FXR1: variants seen among roughly 807,000 people sequenced by gnomAD.
The protein encoded by FXR1 is RNA-binding protein FXR1.
FXR1 carries 15 observed loss-of-function variants against 84.0 expected under a neutral mutation model. That is an observed-to-expected ratio of 0.18 (90% CI 0.12 to 0.27). The LOEUF is 0.27. Ranked by LOEUF, FXR1 falls within the 10% of genes least tolerant of loss-of-function variation. The pLI is 1.00. For synonymous variants in FXR1, 245 were observed against 250.7 expected (o/e 0.98, Z 0.21); for missense variants, 480 against 774.4 (o/e 0.62, Z 4.51).
chr3:180,947,453 T>C (rs1721818245), intron 3 of FXR1, among the ~76,000 whole-genome samples: 1 of 152,250 alleles, frequency 6.6e-6, no homozygotes. Flanking sequence ...TTAGGTTCTT[T>C]AGCACGGGAT....
chr3:180,973,403 T>G (rs1191429924), intron 15 of FXR1, among the ~76,000 whole-genome samples: 1 of 152,200 alleles, frequency 6.6e-6, no homozygotes, highest in South Asian at 2.1e-4. Flanking sequence ...AAACCACAAT[T>G]ACTTTTGCAC....
chr3:180,966,368 C>T (rs9816447), intron 13 of FXR1, among the ~76,000 whole-genome samples: 4,536 of 152,176 alleles, frequency 0.03, 233 homozygotes, highest in African/African-American at 0.1. Context: ...CTAGAGTTAT[C>T]GTTAAAGGAG....
chr3:180,976,444 A>T lies in FXR1; in HGVS notation c.*152A>T, dbSNP rs1178683919. On this transcript the variant is annotated 3_prime_UTR_variant, in exon 17 of 17. Coordinates refer to ENST00000357559, the MANE Select transcript of FXR1 (RefSeq NM_005087.4). ...TCAAAAAGGGGAGGGATCCTGAAGA[A>T]ATCATATGTTAAACATACTTTGACA... 1 of 541,232 alleles carries T rather than the reference A, an allele frequency of 1.8e-6. No homozygotes were observed. The highest frequency in any genetic ancestry group is 3.3e-6 in the Non-Finnish European group (1 of 303,488). The allele number at this position is 541,232 out of a possible 1,614,324, so 33.5% of individuals were successfully genotyped here.
intron 9 of FXR1, among the ~76,000 whole-genome samples, chr3:180,956,870 G>A (rs9867796): frequency 0.014 from 2,129 of 152,250 alleles, 40 homozygotes; most frequent in African/African-American, 0.048. Flanking sequence ...GTTCAGGCAT[G>A]CAACAGGAAA....
chr3:180,932,130 CTCT>C (rs1222124694), intron 1 of FXR1, among the ~76,000 whole-genome samples: 1 of 128,552 alleles, frequency 7.8e-6, no homozygotes, highest in Non-Finnish European at 1.7e-5. Context: ...TCCCTTTATT[CTCT>C]TCTTTCTTTT....
chr3:180,959,510 TTTG>T (rs570963471), intron 10 of FXR1, among the ~76,000 whole-genome samples: 11 of 152,188 alleles, frequency 7.2e-5, no homozygotes, highest in Non-Finnish European at 1.6e-4. Context: ...AGCAAGTTAC[TTTG>T]TTAACTGTAA....
chr3:180,948,032 C>A, intron 4 of FXR1, 96 bp downstream of exon 4: 1 of 713,758 alleles, frequency 1.4e-6, no homozygotes, highest in Non-Finnish European at 2.4e-6. Flanking sequence ...AGTTTTATTT[C>A]TAAAAGCCTA....
intron 7 of FXR1, among the ~76,000 whole-genome samples, chr3:180,950,164 C>A (rs1046078785): frequency 6.6e-6 from 1 of 152,164 alleles, no homozygotes; most frequent in East Asian, 1.9e-4. Context: ...TCTTCCCACT[C>A]ACTCACACTT....
rs1005121532 is a variant in FXR1, at chr3:180,980,981, T to C, written c.*4689T>C. The C allele has an allele frequency of 6.6e-6, 1 of 152,056 alleles. No homozygotes were observed. The highest frequency in any genetic ancestry group is 2.4e-5 in the African/African-American group (1 of 41,422). The allele number at this position is 152,056 out of a possible 1,614,324, so 9.4% of individuals were successfully genotyped here. ...TTTACAGGGTTTTGTTTTTTTAAGC[T>C]TAGTCTGTTCTTTGACATTGTTGAT... On this transcript the variant is annotated 3_prime_UTR_variant, in exon 17 of 17. Coordinates refer to ENST00000357559, the MANE Select transcript of FXR1 (RefSeq NM_005087.4).
intron 15 of FXR1, among the ~76,000 whole-genome samples, chr3:180,973,397 C>G (rs1362254855): frequency 6.6e-6 from 1 of 152,104 alleles, no homozygotes; most frequent in East Asian, 1.9e-4. Flanking sequence ...TGGCAAAAAC[C>G]ACAATTACTT....
At chr3:180,915,763 A>C in intron 1 of FXR1, 1 of 608,066 alleles carries the variant, frequency 1.6e-6, no homozygotes, top group Non-Finnish European at 2.9e-6. Context: ...TACTCTGTAG[A>C]CTTTGATTAA....
chr3:180,925,310 A>G (rs868561311), intron 1 of FXR1, among the ~76,000 whole-genome samples: 2 of 151,660 alleles, frequency 1.3e-5, no homozygotes, highest in African/African-American at 2.4e-5. Context: ...CAGTGAGCTG[A>G]TATCAGGCCA....
At chr3:180,935,026 T>G in intron 2 of FXR1, 112 bp from the exon 3 acceptor site, 1 of 574,426 alleles carries the variant, frequency 1.7e-6, no homozygotes, top group East Asian at 2.9e-5. Flanking sequence ...ATGAATGTTG[T>G]TTTCCTTCTC....
In FXR1 at chr3:180,942,377, C is replaced by CAAAAA. The variant is rs765066164; in HGVS notation, c.199-5464_199-5460dup. 4.6e-3 allele frequency among the ~76,000 whole-genome samples: 144 copies of CAAAAA among 31,108 alleles called. 22 individuals carry two copies. Among genetic ancestry groups the CAAAAA allele is most frequent in the Non-Finnish European group, 6.9e-3 (119 of 17,286 alleles). 20.4% of individuals were successfully genotyped at this position (31,108 alleles called of 152,430 possible). ...TGGGCGACAGAGCGAGACTCCGTCT[C>CAAAAA]AAAAAAAAAAAAAAAAAAAAAAAAA... On this transcript the variant is annotated intron_variant, in intron 3 of 16. Transcript: ENST00000357559.
Position 180,981,141 on chromosome 3 carries a change from C to A in FXR1, c.*4849C>A, listed in dbSNP as rs749305870. On this transcript the variant is annotated 3_prime_UTR_variant, in exon 17 of 17. Coordinates refer to ENST00000357559, the MANE Select transcript of FXR1 (RefSeq NM_005087.4). ...AACAGAAAGATGCCTTATAGAATTT[C>A]TCATGATTGAAACAGAACTCTGCAT... 1 of 151,802 alleles carries A rather than the reference C, an allele frequency of 6.6e-6. No individual in the cohort carries two copies. The highest frequency in any genetic ancestry group is 1.5e-5 in the Non-Finnish European group (1 of 67,906). The allele number at this position is 151,802 out of a possible 1,614,324, so 9.4% of individuals were successfully genotyped here. A position where few individuals can be genotyped will look rare whatever the true frequency, so the allele number is the denominator to read the frequency against.
chr3:180,919,535 C>T (rs9829808), intron 1 of FXR1, among the ~76,000 whole-genome samples: 1 of 151,930 alleles, frequency 6.6e-6, no homozygotes. Flanking sequence ...CCACCTGGCT[C>T]AGCCTCCCAA....
At chr3:180,928,786 T>G (rs959997207) in intron 1 of FXR1, among the ~76,000 whole-genome samples, 4 of 152,180 alleles carry the variant, frequency 2.6e-5, no homozygotes, top group Non-Finnish European at 4.4e-5. Flanking sequence ...GATCTTTGAC[T>G]AGAACCTTTT....
chr3:180,951,895 G>T (rs989344975), intron 8 of FXR1, among the ~76,000 whole-genome samples: 1 of 152,162 alleles, frequency 6.6e-6, no homozygotes, highest in Non-Finnish European at 1.5e-5. Context: ...TAGAAAATTA[G>T]TAAGTTATTT....
At chr3:180,934,276 T>A (rs138011560) in intron 2 of FXR1, among the ~76,000 whole-genome samples, 131 of 152,316 alleles carry the variant, frequency 8.6e-4, no homozygotes, top group African/African-American at 3.1e-3. Context: ...TGGACAGTAA[T>A]GGTGAAAAGA....
Sources: allele counts gnomAD v4.1 joint callset (sites outside exome capture counted in the v4.1 genomes callset), GRCh38; gene constraint gnomAD v4.1.1; transcripts MANE v1.5; gene names NCBI Gene and HGNC (gene_info 2026-07-23, HGNC 2026-07-21).